The following ZFHX3 variants were observed in gnomAD, a reference collection of about 807,000 sequenced individuals.
ZFHX3 encodes the protein zinc finger homeobox protein 3.
Under a neutral mutation model 279.1 loss-of-function variants are expected in ZFHX3, and 42 were observed. The observed-to-expected ratio is 0.15, with a 90% CI of 0.12 to 0.19. The LOEUF is 0.19. Among genes scored for constraint, ZFHX3 ranks in the 10% least tolerant of loss-of-function variants. The pLI, the probability that ZFHX3 is intolerant of heterozygous loss-of-function variation, is 1.00. For synonymous variants in ZFHX3, 2,293 were observed against 1,957.8 expected (o/e 1.17, Z -4.52); for missense variants, 4,981 against 4,754.0 (o/e 1.05, Z -1.40).
chr16:73,243,944 C>T (rs552798560), intron 5 of ZFHX3, among the ~76,000 whole-genome samples: 2 of 152,268 alleles, frequency 1.3e-5, no homozygotes, highest in East Asian at 1.9e-4. Flanking sequence ...TAGAGAATGC[C>T]GGTAGAGAAC....
Position 72,793,619 on chromosome 16 carries a change from T to C in ZFHX3, c.9063A>G (p.Gly3021=). 1 of 1,614,144 alleles carries C rather than the reference T, an allele frequency of 6.2e-7. No individual in the cohort carries two copies. Among genetic ancestry groups the C allele is most frequent in the Non-Finnish European group, 8.5e-7 (1 of 1,180,008 alleles). Residue 3021 remains glycine (G), a synonymous_variant, in exon 9 of 10, where the codon GGA becomes GGG. Coordinates refer to ENST00000268489, the MANE Select transcript of ZFHX3 (RefSeq NM_006885.4). This position sits in a 1 kb window ranked among gnomAD's most constrained non-coding sequence, Gnocchi z 4.3. ...CACACAAAGTGCACTCTGTTTTGGG[T>C]CCCTCATAACTCGTTTGGTTTATAC... ...HFGINQTSYE[G]PKTECTLCGI... is the part of the protein sequence containing the mutation.
rs57645704 is a variant in ZFHX3 at position 73,454,904 on chromosome 16, T to TAA, written c.-1291+1097_-1291+1098dup. Among the ~76,000 whole-genome samples the TAA allele has an allele frequency of 1.0e-3, 144 of 142,504 alleles. 1 individual carries two copies. The highest frequency in any genetic ancestry group is 3.3e-3 in the African/African-American group (130 of 39,370). 93.5% of individuals were successfully genotyped at this position (142,504 alleles called of 152,430 possible). A position where few individuals can be genotyped will look rare whatever the true frequency, so the allele number is the denominator to read the frequency against. On this transcript the variant is annotated intron_variant, in intron 3 of 17. Coordinates refer to the ZFHX3 transcript ENST00000641206. Reference sequence around the variant, plus strand: ...CTAGGATATTCAAGTATAAGACAGTTAAAAAAAAAAAAAACTACAATAGAA... The same window carrying TAA: ...CTAGGATATTCAAGTATAAGACAGTTAAAAAAAAAAAAAAAACTACAATAGAA...
intron 1 of ZFHX3, among the ~76,000 whole-genome samples, chr16:73,706,334 C>T (rs544794156): frequency 6.6e-5 from 10 of 151,630 alleles, no homozygotes; most frequent in East Asian, 5.8e-4. Context: ...TCGTGGCAGG[C>T]GCCTGTAATC....
At chr16:73,585,516 TG>T (rs1432025636) in intron 2 of ZFHX3, among the ~76,000 whole-genome samples, 3 of 152,122 alleles carry the variant, frequency 2.0e-5, no homozygotes, top group Non-Finnish European at 4.4e-5. Flanking sequence ...ACCTTGGTGA[TG>T]GGTTGATAGG....
chr16:73,882,765 TG>T (rs1345402764), intron 1 of ZFHX3, among the ~76,000 whole-genome samples: 1 of 152,130 alleles, frequency 6.6e-6, no homozygotes, highest in African/African-American at 2.4e-5. Flanking sequence ...TTAAGCTTCT[TG>T]GGTGCCAAGT....
intron 1 of ZFHX3, among the ~76,000 whole-genome samples, chr16:73,002,870 A>G (rs948742044): frequency 6.6e-6 from 1 of 152,242 alleles, no homozygotes; most frequent in African/African-American, 2.4e-5. Flanking sequence ...CTCATGACAA[A>G]AAGTAATAGA....
chr16:73,676,820 G>T (rs1247086621), intron 2 of ZFHX3, among the ~76,000 whole-genome samples: 2 of 151,882 alleles, frequency 1.3e-5, no homozygotes, highest in Non-Finnish European at 2.9e-5. Flanking sequence ...TTTAATATTA[G>T]TATTAGAGAA....
At chr16:73,227,375 G>A (rs2012628418) in intron 5 of ZFHX3, among the ~76,000 whole-genome samples, 1 of 152,194 alleles carries the variant, frequency 6.6e-6, no homozygotes, top group Admixed American at 6.5e-5. Context: ...TCCAGGTAGA[G>A]TGCAGAACTT....
intron 1 of ZFHX3, among the ~76,000 whole-genome samples, chr16:73,714,533 C>T (rs919141547): frequency 1.3e-5 from 2 of 152,176 alleles, no homozygotes; most frequent in East Asian, 3.9e-4. Context: ...AGCCCAGTGT[C>T]CTCCGAATCA....
chr16:73,013,642 G>A (rs1273772974), intron 1 of ZFHX3, among the ~76,000 whole-genome samples: 1 of 152,072 alleles, frequency 6.6e-6, no homozygotes, highest in Non-Finnish European at 1.5e-5. Context: ...GACTCTTTGG[G>A]CCTCACCAAA....
At chr16:73,267,014 A>G (rs2013996195) in intron 4 of ZFHX3, among the ~76,000 whole-genome samples, 1 of 152,356 alleles carries the variant, frequency 6.6e-6, no homozygotes, top group South Asian at 2.1e-4. Flanking sequence ...CTCCAATCCC[A>G]GTATACATTC....
At chr16:72,854,553 T>G (rs1279211479) in intron 4 of ZFHX3, among the ~76,000 whole-genome samples, 2 of 152,122 alleles carry the variant, frequency 1.3e-5, no homozygotes, top group African/African-American at 2.4e-5. Context: ...CAAGAACGAC[T>G]GGCAGAAGAT....
At chr16:72,887,265 G>A (rs1323753003) in intron 4 of ZFHX3, among the ~76,000 whole-genome samples, 1 of 152,156 alleles carries the variant, frequency 6.6e-6, no homozygotes, top group African/African-American at 2.4e-5. Context: ...AAAACTGATA[G>A]AGCAGAGCGT....
chr16:73,648,718 G>A (rs949216101), intron 2 of ZFHX3, among the ~76,000 whole-genome samples: 2 of 152,014 alleles, frequency 1.3e-5, no homozygotes, highest in Non-Finnish European at 2.9e-5. Context: ...ACCCCAGTTC[G>A]CTAATTTTAA....
At chr16:72,878,121 T>A (rs2038363383) in intron 4 of ZFHX3, among the ~76,000 whole-genome samples, 1 of 152,036 alleles carries the variant, frequency 6.6e-6, no homozygotes, top group African/African-American at 2.4e-5. Flanking sequence ...AGATGGAGGC[T>A]ACAGTGAGCC....
chr16:73,847,086 G>A (rs1961469133), intron 1 of ZFHX3, among the ~76,000 whole-genome samples: 2 of 151,942 alleles, frequency 1.3e-5, no homozygotes, highest in South Asian at 4.1e-4. Context: ...AGGATCACCT[G>A]AGGTCAGGAG....
In ZFHX3 at chr16:72,957,609, C is replaced by T. The variant is rs755878058; in HGVS notation, c.2537G>A (p.Arg846His). The T allele has an allele frequency of 1.1e-5, 17 of 1,613,976 alleles. No homozygotes were observed. The highest frequency in any genetic ancestry group is 4.0e-5 in the African/African-American group (3 of 74,882). Residue 846 changes from arginine to histidine, a missense_variant, in exon 2 of 10, where the codon CGC becomes CAC. Around this residue, in one of 7 missense-constraint regions of ZFHX3, gnomAD observed 1,751 missense variants for 1,770.0 expected, o/e 0.99. Coordinates refer to ENST00000268489, the MANE Select transcript of ZFHX3 (RefSeq NM_006885.4). ...QQNMTQIQHN[R>H]HLGLGSLPSP... ...GGGCAGGCTGCCGAGGCCCAGGTGG[C>T]GGTTGTGTTGGATCTGGGTCATGTT... is the stretch of plus-strand genomic sequence containing the variant.
chr16:73,095,743 T>A (rs1170724472), intron 7 of ZFHX3, among the ~76,000 whole-genome samples: 1 of 152,258 alleles, frequency 6.6e-6, no homozygotes, highest in Non-Finnish European at 1.5e-5. Context: ...ATTGTGTGGC[T>A]GTTCTGCTTT....
chr16:73,734,319 A>G (rs1482367820), intron 1 of ZFHX3, among the ~76,000 whole-genome samples: 3 of 152,340 alleles, frequency 2.0e-5, no homozygotes, highest in South Asian at 4.1e-4. Context: ...GCTACTCTTT[A>G]AAAATTATAT....
Sources: gnomAD v4.1 joint callset for allele counts (sites outside exome capture counted in the v4.1 genomes callset) on GRCh38, gnomAD v4.1.1 for gene constraint, gnomAD v4.1.1 regional missense constraint, Gnocchi (gnomAD v3.1) non-coding constraint, MANE v1.5 for transcripts, NCBI Gene and HGNC (gene_info 2026-07-23, HGNC 2026-07-21) for gene names.